Variants in LNPEP observed in about 807,000 individuals in gnomAD.
The protein encoded by LNPEP is leucyl and cystinyl aminopeptidase.
Under a neutral mutation model 120.6 loss-of-function variants are expected in LNPEP, and 64 were observed. The ratio of observed to expected loss-of-function variants is 0.53; its 90% CI spans 0.43 to 0.65. LNPEP has a LOEUF of 0.65. Ranked by LOEUF, LNPEP falls within the 30% of genes least tolerant of loss-of-function variation. LNPEP has a pLI of 0.00. For synonymous variants in LNPEP, 435 were observed against 425.4 expected (o/e 1.02, Z -0.28); for missense variants, 1,057 against 1,200.0 (o/e 0.88, Z 1.76).
intron 1 of LNPEP, 138 bp from the exon 2 acceptor site, chr5:96,979,000 G>A: frequency 2.3e-6 from 2 of 868,318 alleles, no homozygotes; most frequent in Non-Finnish European, 3.4e-6. Flanking sequence ...TAATTCAGTA[G>A]CTCTGAGATG....
At chr5:96,961,846 A>T (rs1789616285) in intron 1 of LNPEP, among the ~76,000 whole-genome samples, 1 of 152,004 alleles carries the variant, frequency 6.6e-6, no homozygotes, top group African/African-American at 2.4e-5. Context: ...CAGTCTATAG[A>T]TCTGGAACCT....
chr5:97,005,498 T>C (rs911405015), intron 9 of LNPEP, among the ~76,000 whole-genome samples: 1 of 152,146 alleles, frequency 6.6e-6, no homozygotes, highest in Non-Finnish European at 1.5e-5. Context: ...CACTGTTTTC[T>C]AGAAAGACTT....
intron 1 of LNPEP, chr5:96,936,398 C>CGCT: frequency 4.9e-6 from 2 of 408,328 alleles, no homozygotes; most frequent in Non-Finnish European, 8.6e-6. Flanking sequence ...TCAGCGCCGC[C>CGCT]GCCGCTCGCC....
intron 1 of LNPEP, among the ~76,000 whole-genome samples, chr5:96,941,289 T>C (rs1378647890): frequency 6.6e-6 from 1 of 152,118 alleles, no homozygotes; most frequent in East Asian, 1.9e-4. Flanking sequence ...AGATGAAGCT[T>C]CACTTGTTTG....
At chr5:96,964,194 G>A (rs985769941) in intron 1 of LNPEP, among the ~76,000 whole-genome samples, 2 of 151,286 alleles carry the variant, frequency 1.3e-5, no homozygotes, top group African/African-American at 2.4e-5. Flanking sequence ...ATAGCAGATT[G>A]TATCGTGATA....
intron 11 of LNPEP, among the ~76,000 whole-genome samples, chr5:97,008,334 C>CTTTTT (rs1561450377): frequency 1.4e-4 from 7 of 48,656 alleles, no homozygotes; most frequent in African/African-American, 4.9e-4. Flanking sequence ...TTTGTTTTTT[C>CTTTTT]TTGTTTTTTT....
rs987662816 is a variant in LNPEP at position 97,032,545 on chromosome 5, G to A, written c.*4012G>A. On this transcript the variant is annotated 3_prime_UTR_variant, in exon 18 of 18. Coordinates refer to ENST00000231368, the MANE Select transcript of LNPEP (RefSeq NM_005575.3). ...TTTTGTATATTTTTTTCCTGATGAA[G>A]AGTGATATATCATCCTATGAAAATT... 6.6e-6 allele frequency: 1 copy of A among 152,058 alleles called. No individual in the cohort carries two copies. Among genetic ancestry groups the A allele is most frequent in the Non-Finnish European group, 1.5e-5 (1 of 68,008 alleles). 9.4% of individuals were successfully genotyped at this position (152,058 alleles called of 1,614,324 possible). A position where few individuals can be genotyped will look rare whatever the true frequency, so the allele number is the denominator to read the frequency against.
Position 97,013,822 on chromosome 5 carries a change from A to G in LNPEP, c.2210A>G (p.Glu737Gly). 1 of 1,600,902 alleles carries G rather than the reference A, an allele frequency of 6.2e-7. No individual in the cohort carries two copies. The change falls in exon 12 of 18, where the codon GAA becomes GGA. Residue 737 changes from glutamate to glycine, a missense_variant. Transcript: ENST00000231368. Reference sequence around the variant, plus strand: ...GCCAACCTTATCAACAACATCTTTGAACTTGCAGGGTAGAGTATACTTAGT... The same window carrying G: ...GCCAACCTTATCAACAACATCTTTGGACTTGCAGGGTAGAGTATACTTAGT... ...DRANLINNIFELAGLGKVPLK... is the reference protein window; with the variant it reads ...DRANLINNIFGLAGLGKVPLK...
chr5:96,940,791 G>A (rs1473129828), intron 1 of LNPEP, among the ~76,000 whole-genome samples: 4 of 152,168 alleles, frequency 2.6e-5, no homozygotes, highest in Admixed American at 6.5e-5. Context: ...CTTGGCAGTC[G>A]AGGTGAGGTC....
rs769298412 is a variant in LNPEP, at chr5:97,009,656, TC to T, written c.2035+3143del. Among the ~76,000 whole-genome samples the T allele has an allele frequency of 5.2e-4, 78 of 149,508 alleles. 1 individual carries two copies. The highest frequency in any genetic ancestry group is 3.5e-3 in the Middle Eastern group (1 of 288). ...CATGATGAAAGTAGTGTCTGTTACTTCCTCTTCTCAACTGTGTTATTTCCCT... is the reference window on the plus strand; with the variant it reads ...CATGATGAAAGTAGTGTCTGTTACTTCTCTTCTCAACTGTGTTATTTCCCT... On this transcript the variant is annotated intron_variant, in intron 11 of 17. Transcript: ENST00000231368.
chr5:97,002,043 G>A (rs1441161703), intron 8 of LNPEP, among the ~76,000 whole-genome samples: 1 of 152,180 alleles, frequency 6.6e-6, no homozygotes, highest in Non-Finnish European at 1.5e-5. Context: ...GGAGGCTGAA[G>A]CAGGAGAATC....
chr5:96,936,928 C>T (rs958532089), intron 1 of LNPEP: 3 of 152,256 alleles, frequency 2.0e-5, no homozygotes, highest in Admixed American at 6.5e-5. Flanking sequence ...AGCCACAGCC[C>T]TTCACTGAAC....
chr5:96,941,456 A>C (rs2112555937), intron 1 of LNPEP, among the ~76,000 whole-genome samples: 1 of 152,280 alleles, frequency 6.6e-6, no homozygotes, highest in Non-Finnish European at 1.5e-5. Flanking sequence ...CCAGAAAGAC[A>C]CAGTCTTTTA....
chr5:96,948,558 T>C (rs575204543), intron 1 of LNPEP, among the ~76,000 whole-genome samples: 2 of 152,262 alleles, frequency 1.3e-5, no homozygotes, highest in African/African-American at 4.8e-5. Flanking sequence ...ATACATTAAA[T>C]GCATTAAAAT....
rs1344093164 is a variant in LNPEP at position 97,024,648 on chromosome 5, C to T, written c.2689C>T (p.Leu897Phe). 6.2e-7 allele frequency: 1 copy of T among 1,613,986 alleles called. No homozygotes were observed. Among genetic ancestry groups the T allele is most frequent in the Non-Finnish European group, 8.5e-7 (1 of 1,179,924 alleles). Residue 897 changes from leucine (L) to phenylalanine (F), a missense_variant, in exon 15 of 18, where the codon CTT (leucine) becomes TTT (phenylalanine). Transcript: ENST00000231368. ...AGAGAAGAACAAAATACTAGAAGCA[C>T]TTGCCAGCTCAGAGGATGTGCGGAA... Reference protein sequence around the residue: ...EAEKNKILEALASSEDVRKLY... With the variant: ...EAEKNKILEAFASSEDVRKLY...
At chr5:96,969,814 C>T (rs937733992) in intron 1 of LNPEP, among the ~76,000 whole-genome samples, 5 of 150,624 alleles carry the variant, frequency 3.3e-5, no homozygotes, top group African/African-American at 1.2e-4. Flanking sequence ...GTGGAAATGT[C>T]GTTATTTTTA....
chr5:97,010,748 A>G (rs762129046), intron 11 of LNPEP: 363 of 985,220 alleles, frequency 3.7e-4, no homozygotes, highest in Non-Finnish European at 4.3e-4. Context: ...TTGAAGTGTT[A>G]ATCTGTTGAT....
chr5:96,956,636 A>G (rs1414343587), intron 1 of LNPEP, among the ~76,000 whole-genome samples: 1 of 152,068 alleles, frequency 6.6e-6, no homozygotes, highest in African/African-American at 2.4e-5. Flanking sequence ...TTGGTTTTCT[A>G]TGAGTTTATT....
intron 13 of LNPEP, 98 bp from the exon 14 acceptor site, chr5:97,022,202 T>G (rs1791217453): frequency 9.4e-6 from 7 of 745,030 alleles, no homozygotes; most frequent in Non-Finnish European, 1.5e-5. Context: ...GTGCTGGGAT[T>G]ACAGGCACGA....
Sources: allele counts gnomAD v4.1 joint callset (sites outside exome capture counted in the v4.1 genomes callset), GRCh38; gene constraint gnomAD v4.1.1; transcripts MANE v1.5; gene names NCBI Gene and HGNC (gene_info 2026-07-23, HGNC 2026-07-21).